ZNF140: variants seen among roughly 807,000 people sequenced by gnomAD.
ZNF140 encodes the protein zinc finger protein 140 (clone pHZ-39).
ZNF140 carries 13 observed loss-of-function variants against 12.9 expected under a neutral mutation model. That is an observed-to-expected ratio of 1.01 (90% CI 0.66 to 1.60). The LOEUF is 1.60. Ranked by LOEUF, ZNF140 falls within the 40% of genes most tolerant of loss-of-function variation. ZNF140 has a pLI of 0.00. For synonymous variants in ZNF140, 214 were observed against 186.7 expected (o/e 1.15, Z -1.19); for missense variants, 531 against 548.8 (o/e 0.97, Z 0.32).
At position 133,083,507 on chromosome 12, in the gene ZNF140, CA is replaced by C; in HGVS notation, c.180del (p.Glu63AsnfsTer9). 3 of 1,613,808 alleles carry C rather than the reference CA, an allele frequency of 1.9e-6. No homozygotes were observed. The highest frequency in any genetic ancestry group is 1.3e-5 in the African/African-American group (1 of 74,948). On this transcript the variant is annotated frameshift_variant, in exon 4 of 5. Transcript: ENST00000355557. LOFTEE classifies it high-confidence loss of function. ...SKPDVVSLLE[Q>X]GKEPWLGKRE... is the part of the protein sequence containing the mutation. Reference sequence around the variant, plus strand: ...GCCAGATGTGGTTTCCTTATTGGAGCAAGGGAAAGAACCCTGGCTGGGGAAA... The same window carrying C: ...GCCAGATGTGGTTTCCTTATTGGAGCAGGGAAAGAACCCTGGCTGGGGAAA...
chr12:133,083,358 C>G, intron 3 of ZNF140, 108 bp from the exon 4 acceptor site: 1 of 1,500,242 alleles, frequency 6.7e-7, no homozygotes. Flanking sequence ...GGGGACGTAA[C>G]TGCACCTTAT....
intron 4 of ZNF140, among the ~76,000 whole-genome samples, chr12:133,096,639 GA>G (rs1196527198): frequency 6.6e-6 from 1 of 152,160 alleles, no homozygotes; most frequent in Admixed American, 6.5e-5. Context: ...GTGTTACTTA[GA>G]AGTGTGTTGT....
chr12:133,091,573 G>A lies in ZNF140; in HGVS notation c.232+8012G>A, dbSNP rs983428037. Among the ~76,000 whole-genome samples, 6 of 150,010 alleles carry A rather than the reference G, an allele frequency of 4.0e-5. No homozygotes were observed. In the East Asian group the frequency reaches 9.8e-4, roughly 25 times the overall value. On this transcript the variant is annotated intron_variant, in intron 4 of 4. Coordinates refer to ENST00000355557, the MANE Select transcript of ZNF140 (RefSeq NM_003440.4). ...TCCCCCTTTTCTTTTTGACAAAACC[G>A]CCATCGTCATCATGACCCGTTCTCG...
At chr12:133,090,679 T>A (rs1422372382) in intron 4 of ZNF140, among the ~76,000 whole-genome samples, 5 of 149,326 alleles carry the variant, frequency 3.3e-5, no homozygotes, top group African/African-American at 1.2e-4. Context: ...ACCAAGGACC[T>A]GCACCAGCAC....
At chr12:133,096,808 A>G (rs1955146322) in intron 4 of ZNF140, among the ~76,000 whole-genome samples, 1 of 152,198 alleles carries the variant, frequency 6.6e-6, no homozygotes, top group African/African-American at 2.4e-5. Flanking sequence ...ATCTTCGTGA[A>G]TGTCTTGGGA....
Position 133,106,232 on chromosome 12 carries a change from C to T in ZNF140, c.955C>T (p.His319Tyr). 1 of 1,614,172 alleles carries T rather than the reference C, an allele frequency of 6.2e-7. No homozygotes were observed. The highest frequency in any genetic ancestry group is 1.1e-5 in the South Asian group (1 of 91,088). Reference sequence around the variant, plus strand: ...TCGCCGTTTCTCACACCTTACTCGACATCAGAGCATCCATACAACCAAAAC... The same window carrying T: ...TCGCCGTTTCTCACACCTTACTCGATATCAGAGCATCCATACAACCAAAAC... ...AFRRFSHLTR[H>Y]QSIHTTKTPY... is the part of the protein sequence containing the mutation. The change falls in exon 5 of 5, where the codon CAT (histidine) becomes TAT (tyrosine). Residue 319 changes from histidine (H) to tyrosine (Y), a missense_variant. By Grantham distance (83) the His-to-Tyr change is moderately conservative (BLOSUM62 2). Coordinates refer to ENST00000355557, the MANE Select transcript of ZNF140 (RefSeq NM_003440.4).
chr12:133,083,252 C>G (rs1593740042), intron 3 of ZNF140, 23 bp downstream of exon 3: 3 of 1,599,494 alleles, frequency 1.9e-6, no homozygotes, highest in East Asian at 2.2e-5. Flanking sequence ...CTTCATCTCC[C>G]TCAAGGCAAA....
chr12:133,086,435 G>A (rs1025750192), intron 4 of ZNF140, among the ~76,000 whole-genome samples: 27 of 152,182 alleles, frequency 1.8e-4, no homozygotes, highest in African/African-American at 4.8e-4. Context: ...GCACCTTTTC[G>A]TATGTTTATT....
chr12:133,105,650 G>T lies in ZNF140; in HGVS notation c.373G>T (p.Asp125Tyr). Residue 125 changes from aspartate (D) to tyrosine (Y), a missense_variant, in exon 5 of 5, where the codon GAT becomes TAT. Asp to Tyr is a radical substitution (Grantham distance 160, BLOSUM62 -3). Transcript: ENST00000355557. ...TTTTAAAGGAGGCTGGAAATGCAAG[G>T]ATCATACTGAGATGCTGCAAGAAAA... ...SSFKGGWKCK[D>Y]HTEMLQENQG... 6.2e-7 allele frequency: 1 copy of T among 1,614,160 alleles called. No homozygotes were observed. The highest frequency in any genetic ancestry group is 1.1e-5 in the South Asian group (1 of 91,070).
chr12:133,087,330 G>T (rs941126051), intron 4 of ZNF140, among the ~76,000 whole-genome samples: 2 of 152,074 alleles, frequency 1.3e-5, no homozygotes, highest in Non-Finnish European at 2.9e-5. Flanking sequence ...CAAGTTTGTA[G>T]GGGAGGGAAG....
rs1446770586 is a variant in ZNF140, at chr12:133,105,794, C to T, written c.517C>T (p.Arg173Cys). 2.4e-5 allele frequency: 38 copies of T among 1,614,058 alleles called. 1 individual carries two copies. The highest frequency in any genetic ancestry group is 5.5e-5 in the South Asian group (5 of 91,088). The stretch of plus-strand genomic sequence containing the variant: ...TGAATGTGGAAAAACTTTTGGTCGA[C>T]GCTTTTCCCTGGTGTTACACCAGAG... Reference protein sequence around the residue: ...CHECGKTFGRRFSLVLHQRTH... With the variant: ...CHECGKTFGRCFSLVLHQRTH... The change falls in exon 5 of 5, where the codon CGC becomes TGC. Residue 173 changes from arginine (R) to cysteine (C), a missense_variant. Physicochemically the swap from Arg to Cys is radical, Grantham distance 180. Coordinates refer to ENST00000355557, the MANE Select transcript of ZNF140 (RefSeq NM_003440.4).
At position 133,095,620 on chromosome 12, in the gene ZNF140, A is replaced by G. The variant is rs376695672; in HGVS notation, c.233-9890A>G. ...CATCAGCATACCAAGGACCTGCACC[A>G]GCACCGGCCTCTGAGTTCCCTCAGT... On this transcript the variant is annotated intron_variant, in intron 4 of 4. Transcript: ENST00000355557. Among the ~76,000 whole-genome samples the G allele has an allele frequency of 1.2e-3, 185 of 151,872 alleles. 2 individuals carry two copies. In the East Asian group the frequency reaches 0.016, roughly 13 times the overall value.
chr12:133,081,802 C>T (rs1012351096), intron 2 of ZNF140: 24 of 250,114 alleles, frequency 9.6e-5, no homozygotes, highest in Non-Finnish European at 1.9e-4. Context: ...TTCATTTATT[C>T]AATATGTTTT....
chr12:133,081,226 C>A, intron 1 of ZNF140, 47 bp from the exon 2 acceptor site: 1 of 965,012 alleles, frequency 1.0e-6, no homozygotes, highest in Non-Finnish European at 1.6e-6. Flanking sequence ...GACTTGGGCG[C>A]GGCCTAGCTG....
At position 133,091,895 on chromosome 12, in the gene ZNF140, C is replaced by G. The variant is rs948532522; in HGVS notation, c.232+8334C>G. ...CGTTTAACCATGTCCCAGTGATGTT[C>G]AGATTCATTATAGGCTCGAGGTGTA... is the stretch of plus-strand genomic sequence containing the variant. On this transcript the variant is annotated intron_variant, in intron 4 of 4. Transcript: ENST00000355557. 3.4e-4 allele frequency among the ~76,000 whole-genome samples: 51 copies of G among 151,068 alleles called. 2 individuals are homozygous for G. The highest frequency in any genetic ancestry group is 1.2e-3 in the African/African-American group (49 of 40,738).
At chr12:133,096,988 C>G (rs1190294774) in intron 4 of ZNF140, among the ~76,000 whole-genome samples, 2 of 152,200 alleles carry the variant, frequency 1.3e-5, no homozygotes, top group African/African-American at 2.4e-5. Context: ...TCATCTGTTT[C>G]TCCTTGCTGT....
intron 4 of ZNF140, among the ~76,000 whole-genome samples, chr12:133,088,118 ACT>A (rs1954736678): frequency 6.6e-6 from 1 of 151,548 alleles, no homozygotes; most frequent in Admixed American, 6.6e-5. Flanking sequence ...CGACAGCAAG[ACT>A]CTGTCTAAAA....
chr12:133,096,255 C>T (rs2137544734), intron 4 of ZNF140, among the ~76,000 whole-genome samples: 1 of 152,138 alleles, frequency 6.6e-6, no homozygotes, highest in Admixed American at 6.5e-5. Flanking sequence ...ATTTTGTTAA[C>T]AAGGCACGTC....
At chr12:133,097,877 C>G (rs1310156666) in intron 4 of ZNF140, among the ~76,000 whole-genome samples, 3 of 136,140 alleles carry the variant, frequency 2.2e-5, no homozygotes, top group Non-Finnish European at 4.8e-5. Flanking sequence ...TACTCTGTAG[C>G]CCAGACTGGA....
Sources: allele counts gnomAD v4.1 joint callset (sites outside exome capture counted in the v4.1 genomes callset), GRCh38; gene constraint gnomAD v4.1.1; transcripts MANE v1.5; gene names NCBI Gene and HGNC (gene_info 2026-07-23, HGNC 2026-07-21).